Variants in TNRC18 observed in about 807,000 individuals in gnomAD.
TNRC18 encodes trinucleotide repeat containing 18, also known as trinucleotide repeat-containing gene 18 protein.
Under a neutral mutation model 226.7 loss-of-function variants are expected in TNRC18, and 69 were observed. That is an observed-to-expected ratio of 0.30 (90% CI 0.25 to 0.37). The LOEUF is 0.37. TNRC18 is among the 10% of genes least tolerant of loss of function. The pLI is 1.00. For missense variants in TNRC18, 4,754 were observed against 4,256.6 expected (o/e 1.12, Z -3.25); for synonymous variants, 2,449 against 1,927.6 (o/e 1.27, Z -7.09).
At chr7:5,361,405 C>T (rs938190259) in intron 14 of TNRC18, among the ~76,000 whole-genome samples, 189 bp downstream of exon 14, 2 of 152,224 alleles carry the variant, frequency 1.3e-5, no homozygotes, top group Non-Finnish European at 2.9e-5. Flanking sequence ...CCTCCAGGCT[C>T]AGCACCGGCC....
rs544326786 is a variant in TNRC18, at chr7:5,417,625, C to T, written c.187+3435G>A. ...CCTGGGACCCGAGCGGTGCCTGGCA[C>T]GCAGGAAGCACTTGGAAATTATTTG... On this transcript the variant is annotated intron_variant, in intron 2 of 29. Coordinates refer to ENST00000430969, the MANE Select transcript of TNRC18 (RefSeq NM_001080495.3). Among the ~76,000 whole-genome samples the T allele has an allele frequency of 9.2e-5, 14 of 152,210 alleles. No homozygotes were observed. The East Asian group carries it at 2.1e-3, about 23-fold the overall frequency.
chr7:5,423,587 G>C lies in TNRC18; in HGVS notation c.-390C>G, dbSNP rs1782698203. 1 of 151,716 alleles carries C rather than the reference G, an allele frequency of 6.6e-6. No homozygotes were observed. Among genetic ancestry groups the C allele is most frequent in the Admixed American group, 6.6e-5 (1 of 15,238 alleles). 9.4% of individuals were successfully genotyped at this position (151,716 alleles called of 1,614,324 possible). ...CACCCGCAGCCGCCTCACACTTTTTGCCCGCCTTTCCTTTTTTTGGTAGAA... is the reference window on the plus strand; with the variant it reads ...CACCCGCAGCCGCCTCACACTTTTTCCCCGCCTTTCCTTTTTTTGGTAGAA... On this transcript the variant is annotated 5_prime_UTR_variant, in exon 1 of 30. Coordinates refer to ENST00000430969, the MANE Select transcript of TNRC18 (RefSeq NM_001080495.3).
chr7:5,362,886 G>C (rs1314676477), intron 11 of TNRC18, 61 bp from the exon 12 acceptor site: 4 of 1,437,084 alleles, frequency 2.8e-6, no homozygotes. Context: ...CCCAAACGGG[G>C]ATGCCGAGGC....
intron 11 of TNRC18, among the ~76,000 whole-genome samples, chr7:5,370,107 G>C (rs540796718): frequency 6.0e-4 from 91 of 152,188 alleles, no homozygotes; most frequent in Non-Finnish European, 1.2e-3. Context: ...CTTGAGTCCA[G>C]GAGTTTGAGA....
chr7:5,374,656 C>T (rs954748995), intron 9 of TNRC18, among the ~76,000 whole-genome samples, 172 bp from the exon 10 acceptor site: 35 of 152,208 alleles, frequency 2.3e-4, no homozygotes, highest in African/African-American at 6.5e-4. Flanking sequence ...CCATCCCAGC[C>T]CATGTGTCAT....
chr7:5,327,375 G>GTA (rs1292050947), intron 19 of TNRC18, among the ~76,000 whole-genome samples: 1 of 22,524 alleles, frequency 4.4e-5, no homozygotes, highest in East Asian at 2.2e-3. Flanking sequence ...GTTTGTGCGT[G>GTA]TGTGTGTGTG....
intron 21 of TNRC18, among the ~76,000 whole-genome samples, chr7:5,322,158 G>A (rs1439837998): frequency 6.6e-6 from 1 of 151,824 alleles, no homozygotes; most frequent in Admixed American, 6.6e-5. Context: ...CACGCCTGTA[G>A]TCCCAGCTAC....
chr7:5,392,770 G>A (rs755393567), intron 3 of TNRC18, among the ~76,000 whole-genome samples: 2 of 152,200 alleles, frequency 1.3e-5, no homozygotes, highest in Non-Finnish European at 2.9e-5. Flanking sequence ...CACTTTGGGA[G>A]GTCAAGGTGG....
chr7:5,382,277 G>A (rs1779449592), intron 5 of TNRC18, among the ~76,000 whole-genome samples: 1 of 152,184 alleles, frequency 6.6e-6, no homozygotes, highest in Non-Finnish European at 1.5e-5. Context: ...GTGCCACAGG[G>A]CCCTCTCCAG....
chr7:5,368,642 G>GTCA (rs1452064478), intron 11 of TNRC18, among the ~76,000 whole-genome samples: 2 of 58,478 alleles, frequency 3.4e-5, no homozygotes, highest in Non-Finnish European at 3.6e-5. Context: ...TCCAGCCTGG[G>GTCA]TGACAGAGTG....
chr7:5,408,089 T>C (rs954121809), intron 2 of TNRC18, among the ~76,000 whole-genome samples: 2 of 152,030 alleles, frequency 1.3e-5, no homozygotes, highest in African/African-American at 2.4e-5. Flanking sequence ...ATCACGAGGT[T>C]AGGAGATCGA....
chr7:5,381,684 G>T (rs1779408117), intron 5 of TNRC18, among the ~76,000 whole-genome samples: 1 of 152,154 alleles, frequency 6.6e-6, no homozygotes. Context: ...AGTAAACTCA[G>T]GTCGGGTGCA....
Position 5,313,358 on chromosome 7 carries a change from G to T in TNRC18, c.7533C>A (p.Ser2511Arg). 6.4e-7 allele frequency: 1 copy of T among 1,566,868 alleles called. No homozygotes were observed. The highest frequency in any genetic ancestry group is 8.6e-7 in the Non-Finnish European group (1 of 1,157,218). Residue 2511 changes from serine (S) to arginine (R), a missense_variant, in exon 27 of 30, where the codon AGC becomes AGA. By Grantham distance (110) the Ser-to-Arg change is moderately radical. Transcript: ENST00000430969. Reference sequence around the variant, plus strand: ...CCTTGGGCCAGGGTGCCTTGGGCTCGCTGCTGCCGGCCGCGGGGGGATAGC... The same window carrying T: ...CCTTGGGCCAGGGTGCCTTGGGCTCTCTGCTGCCGGCCGCGGGGGGATAGC... Reference protein sequence around the residue: ...LGSYPPAAGSSEPKAPWPKAT... With the variant: ...LGSYPPAAGSREPKAPWPKAT...
Position 5,394,782 on chromosome 7 carries a change from G to A in TNRC18, c.188-187C>T, listed in dbSNP as rs984324454. 2.4e-4 allele frequency among the ~76,000 whole-genome samples: 37 copies of A among 152,044 alleles called. No homozygotes were observed. The highest frequency in any genetic ancestry group is 8.9e-4 in the African/African-American group (37 of 41,490). On this transcript the variant is annotated intron_variant, in intron 2 of 29. Coordinates refer to ENST00000430969, the MANE Select transcript of TNRC18 (RefSeq NM_001080495.3). This position sits in a 1 kb window ranked among gnomAD's most constrained non-coding sequence, Gnocchi z 4.5. ...ACCCCTGGGCTGCAAGATGGTCCTGGATCAACCCAACCAGACCCAGGGCTT... is the reference window on the plus strand; with the variant it reads ...ACCCCTGGGCTGCAAGATGGTCCTGAATCAACCCAACCAGACCCAGGGCTT...
intron 5 of TNRC18, among the ~76,000 whole-genome samples, chr7:5,385,085 A>G (rs1263731479): frequency 1.3e-5 from 2 of 152,248 alleles, no homozygotes; most frequent in African/African-American, 4.8e-5. Flanking sequence ...GTGAAGGCAC[A>G]GAGGATGGGG....
rs1176508816 is a variant in TNRC18 at position 5,388,665 on chromosome 7, GC to G, written c.1158del (p.Ile388SerfsTer202). On this transcript the variant is annotated frameshift_variant, in exon 5 of 30. Transcript: ENST00000430969. LOFTEE classifies it high-confidence loss of function. ...PSVEAFDERPGPIQIASQARD... is the reference protein window; with the variant it reads ...PSVEAFDERPXPIQIASQARD... ...CGCGCCTGGGATGCGATCTGGATGG[GC>G]CCCGGGCGCTCGTCGAAGGCCTCCA... The G allele has an allele frequency of 1.6e-6, 2 of 1,270,384 alleles. No homozygotes were observed. The highest frequency in any genetic ancestry group is 3.6e-5 in the East Asian group (1 of 27,570). The allele number at this position is 1,270,384 out of a possible 1,614,324, so 78.7% of individuals were successfully genotyped here.
At chr7:5,406,281 G>T (rs1422238955) in intron 2 of TNRC18, among the ~76,000 whole-genome samples, 1 of 151,772 alleles carries the variant, frequency 6.6e-6, no homozygotes, top group Non-Finnish European at 1.5e-5. Flanking sequence ...TGACCAACAT[G>T]GTGAAATCCC....
At position 5,383,757 on chromosome 7, in the gene TNRC18, AT is replaced by A. The variant is rs886416006; in HGVS notation, c.2152+3914del. ...GAGAGAAATGACCACTTCTTATGGG[AT>A]TTTTTTTTTTAAGGAGAGAAAGAAT... On this transcript the variant is annotated intron_variant, in intron 5 of 29. Transcript: ENST00000430969. Among the ~76,000 whole-genome samples, 518 of 146,086 alleles carry A rather than the reference AT, an allele frequency of 3.5e-3. 5 individuals are homozygous for A. The highest frequency in any genetic ancestry group is 0.011 in the African/African-American group (439 of 40,090).
At chr7:5,363,497 G>T (rs559032733) in intron 11 of TNRC18, among the ~76,000 whole-genome samples, 2 of 152,088 alleles carry the variant, frequency 1.3e-5, no homozygotes, top group Non-Finnish European at 2.9e-5. Context: ...CCAGCTACTC[G>T]GGAGGCTGAA....
Sources: allele counts gnomAD v4.1 joint callset (sites outside exome capture counted in the v4.1 genomes callset), GRCh38; gene constraint gnomAD v4.1.1; non-coding constraint Gnocchi (gnomAD v3.1); transcripts MANE v1.5; gene names NCBI Gene and HGNC (gene_info 2026-07-23, HGNC 2026-07-21).